Variants in ADAMTSL3 observed in about 807,000 individuals in gnomAD.
ADAMTSL3 encodes ADAMTS like 3.
Under a neutral mutation model 201.7 loss-of-function variants are expected in ADAMTSL3, and 128 were observed. The observed-to-expected ratio is 0.63, with a 90% CI of 0.55 to 0.73. The LOEUF (loss-of-function observed/expected upper bound fraction) is 0.73, where lower values mean the gene tolerates loss of function less well. ADAMTSL3 is among the 30% of genes least tolerant of loss of function. The pLI, the probability that ADAMTSL3 is intolerant of heterozygous loss-of-function variation, is 0.00. For missense variants in ADAMTSL3, 1,990 were observed against 2,119.6 expected (o/e 0.94, Z 1.20); for synonymous variants, 738 against 748.4 (o/e 0.99, Z 0.23).
chr15:83,884,724 T>C (rs891368714), intron 9 of ADAMTSL3, among the ~76,000 whole-genome samples: 2 of 152,212 alleles, frequency 1.3e-5, no homozygotes, highest in African/African-American at 4.8e-5. Context: ...CTCCACTATG[T>C]GCTATATTGT....
At chr15:83,754,959 A>G (rs2062695780) in intron 3 of ADAMTSL3, among the ~76,000 whole-genome samples, 1 of 152,190 alleles carries the variant, frequency 6.6e-6, no homozygotes, top group Admixed American at 6.5e-5. Context: ...TTCACCTTCC[A>G]GATTTATATT....
intron 8 of ADAMTSL3, among the ~76,000 whole-genome samples, chr15:83,866,927 A>G (rs1432446769): frequency 6.6e-6 from 1 of 152,120 alleles, no homozygotes; most frequent in African/African-American, 2.4e-5. Flanking sequence ...TGCTTGGACT[A>G]TTTCCCTTTC....
At chr15:83,882,359 T>C (rs932119468) in intron 9 of ADAMTSL3, among the ~76,000 whole-genome samples, 1 of 152,192 alleles carries the variant, frequency 6.6e-6, no homozygotes, top group African/African-American at 2.4e-5. Context: ...TCTCCTCCCC[T>C]ACACACACAT....
At chr15:83,872,076 G>T (rs1030293529) in intron 9 of ADAMTSL3, among the ~76,000 whole-genome samples, 1 of 152,148 alleles carries the variant, frequency 6.6e-6, no homozygotes, top group Non-Finnish European at 1.5e-5. Context: ...GACTGGCCAA[G>T]CGTTGGCCTG....
At chr15:83,796,434 G>A (rs1310588738) in intron 4 of ADAMTSL3, among the ~76,000 whole-genome samples, 1 of 151,970 alleles carries the variant, frequency 6.6e-6, no homozygotes, top group East Asian at 1.9e-4. Context: ...TAAAATATAT[G>A]GTATGTTGTA....
chr15:83,867,115 A>T (rs1482635900), intron 8 of ADAMTSL3, among the ~76,000 whole-genome samples: 1 of 152,186 alleles, frequency 6.6e-6, no homozygotes. Context: ...TGTAAAAGAG[A>T]TATTTCTGAA....
intron 6 of ADAMTSL3, among the ~76,000 whole-genome samples, chr15:83,822,760 A>T (rs1200448250): frequency 2.3e-5 from 3 of 129,014 alleles, no homozygotes; most frequent in South Asian, 2.6e-4. Context: ...ATGGGCGGCC[A>T]GGCAGAGACG....
rs1236518244 is a variant in ADAMTSL3 at position 83,991,199 on chromosome 15, C to T, written c.3958C>T (p.Arg1320Ter). 6 of 1,614,052 alleles carry T rather than the reference C, an allele frequency of 3.7e-6. No homozygotes were observed. Among genetic ancestry groups the T allele is most frequent in the South Asian group, 1.1e-5 (1 of 91,088 alleles). ...AGCCCTTGGAGCAAACGTGACAATC[C>T]GATGTCCTGTAAAAGGTAAGTGTGG... is the stretch of plus-strand genomic sequence containing the variant. ...EAALGANVTI[R>*]CPVKGVPQPN... is the part of the protein sequence containing the mutation. Residue 1320 changes from arginine to a stop codon, truncating the protein, a stop_gained, in exon 23 of 30, where the codon CGA (arginine) becomes TGA (stop). Transcript: ENST00000286744. LOFTEE classifies it high-confidence loss of function.
At position 83,773,517 on chromosome 15, in the gene ADAMTSL3, A is replaced by T; in HGVS notation, c.190-6A>T. 6.2e-7 allele frequency: 1 copy of T among 1,613,770 alleles called. No homozygotes were observed. The highest frequency in any genetic ancestry group is 1.3e-5 in the African/African-American group (1 of 74,952). ...TTTTTTTGTTTGTTTGCTTTTTAAC[A>T]TCTAGACCTCAAGAAACACTCGTTC... On this transcript the variant is annotated splice_polypyrimidine_tract_variant and splice_region_variant and intron_variant, in intron 3 of 29. Coordinates refer to ENST00000286744, the MANE Select transcript of ADAMTSL3 (RefSeq NM_207517.3).
intron 7 of ADAMTSL3, among the ~76,000 whole-genome samples, chr15:83,839,276 A>G (rs2064330765): frequency 6.6e-6 from 1 of 151,944 alleles, no homozygotes; most frequent in African/African-American, 2.4e-5. Context: ...GCATTGCGGG[A>G]GGGGTGGAGG....
chr15:83,993,056 C>G (rs1298478750), intron 23 of ADAMTSL3, among the ~76,000 whole-genome samples: 1 of 152,230 alleles, frequency 6.6e-6, no homozygotes, highest in African/African-American at 2.4e-5. Context: ...AAACCTGCCT[C>G]CAAATGCACC....
At chr15:83,845,042 A>G (rs2064466709) in intron 7 of ADAMTSL3, among the ~76,000 whole-genome samples, 1 of 152,122 alleles carries the variant, frequency 6.6e-6, no homozygotes, top group Non-Finnish European at 1.5e-5. Flanking sequence ...CATTCCCCCG[A>G]TGGGCCTTTG....
At chr15:83,917,717 A>G (rs999133708) in intron 16 of ADAMTSL3, among the ~76,000 whole-genome samples, 1 of 152,088 alleles carries the variant, frequency 6.6e-6, no homozygotes, top group African/African-American at 2.4e-5. Flanking sequence ...ATATATGGAC[A>G]TTTGAGACCT....
At chr15:83,932,795 C>T (rs180885498) in intron 17 of ADAMTSL3, among the ~76,000 whole-genome samples, 239 of 152,206 alleles carry the variant, frequency 1.6e-3, no homozygotes, top group African/African-American at 5.4e-3. Context: ...TGAGCATTAG[C>T]TCATAATCAA....
Position 84,016,486 on chromosome 15 carries a change from AC to A in ADAMTSL3, c.4265del (p.Pro1422ArgfsTer32), listed in dbSNP as rs1239844448. 3 of 1,603,866 alleles carry A rather than the reference AC, an allele frequency of 1.9e-6. No homozygotes were observed. Among genetic ancestry groups the A allele is most frequent in the Non-Finnish European group, 2.6e-6 (3 of 1,173,238 alleles). On this transcript the variant is annotated frameshift_variant, in exon 25 of 30. Transcript: ENST00000286744. LOFTEE classifies it high-confidence loss of function. ...RTNSNDPTGE[P>X]PPQEPFWEPG... ...CCAACAGCAATGACCCAACAGGAGAACCCCCGCCTCAAGGTCTGGGATTTTG... is the reference window on the plus strand; with the variant it reads ...CCAACAGCAATGACCCAACAGGAGAACCCCGCCTCAAGGTCTGGGATTTTG...
chr15:83,754,020 C>T (rs976571845), intron 3 of ADAMTSL3, among the ~76,000 whole-genome samples: 3 of 152,174 alleles, frequency 2.0e-5, no homozygotes, highest in Non-Finnish European at 4.4e-5. Context: ...TGTGTGGACA[C>T]ACATCCTCTA....
At chr15:83,964,761 G>T (rs1282522187) in intron 19 of ADAMTSL3, among the ~76,000 whole-genome samples, 1 of 152,124 alleles carries the variant, frequency 6.6e-6, no homozygotes, top group Non-Finnish European at 1.5e-5. Flanking sequence ...AAATGTTAAG[G>T]GCAGCCAGAG....
intron 8 of ADAMTSL3, chr15:83,862,558 T>G (rs1400831913): frequency 6.6e-6 from 1 of 152,100 alleles, no homozygotes; most frequent in Non-Finnish European, 1.5e-5. Flanking sequence ...CCTTTACAGA[T>G]AAGCAAATGC....
chr15:83,807,983 C>A (rs2063627797), intron 5 of ADAMTSL3, among the ~76,000 whole-genome samples: 1 of 152,066 alleles, frequency 6.6e-6, no homozygotes, highest in Admixed American at 6.6e-5. Flanking sequence ...GTACAAAATC[C>A]ACTAAAAATG....
Sources: gnomAD v4.1 joint callset for allele counts (sites outside exome capture counted in the v4.1 genomes callset) on GRCh38, gnomAD v4.1.1 for gene constraint, MANE v1.5 for transcripts, NCBI Gene and HGNC (gene_info 2026-07-23, HGNC 2026-07-21) for gene names.